Variants in NRG2 observed in about 807,000 individuals in gnomAD.
NRG2 encodes the protein pro-neuregulin-2, membrane-bound isoform.
In NRG2, 27 loss-of-function variants were observed where a neutral mutation model predicts 73.9. That is an observed-to-expected ratio of 0.37 (90% CI 0.27 to 0.50). The LOEUF (loss-of-function observed/expected upper bound fraction) is 0.50. Ranked by LOEUF, NRG2 falls within the 20% of genes least tolerant of loss-of-function variation. NRG2 has a pLI of 0.96. For synonymous variants in NRG2, 532 were observed against 541.0 expected, an observed-to-expected ratio of 0.98 and a Z score of 0.23; for missense variants, 1,126 against 1,210.1, an observed-to-expected ratio of 0.93 and a Z score of 1.03.
intron 1 of NRG2, among the ~76,000 whole-genome samples, chr5:140,014,972 G>A (rs1039481759): frequency 6.6e-6 from 1 of 152,098 alleles, no homozygotes; most frequent in Admixed American, 6.5e-5. Flanking sequence ...AACATGCCAG[G>A]CATGCTTCCA....
chr5:139,901,943 G>C (rs928569444), intron 1 of NRG2, among the ~76,000 whole-genome samples: 1 of 152,206 alleles, frequency 6.6e-6, no homozygotes, highest in Non-Finnish European at 1.5e-5. Context: ...TCTCCTCTAG[G>C]GGTTCTCAGA....
chr5:140,026,021 G>A (rs1217548230), intron 1 of NRG2, among the ~76,000 whole-genome samples: 3 of 152,200 alleles, frequency 2.0e-5, no homozygotes, highest in Non-Finnish European at 4.4e-5. Context: ...TTGAGGAGAA[G>A]TGGAATCTCA....
intron 1 of NRG2, among the ~76,000 whole-genome samples, chr5:140,003,410 A>G (rs927390344): frequency 6.6e-6 from 1 of 152,232 alleles, no homozygotes; most frequent in African/African-American, 2.4e-5. Flanking sequence ...TGTAATCACA[A>G]GTTTCCTTGT....
At chr5:139,983,006 G>C (rs886440293) in intron 1 of NRG2, among the ~76,000 whole-genome samples, 6 of 152,202 alleles carry the variant, frequency 3.9e-5, no homozygotes, top group African/African-American at 1.4e-4. Context: ...ATGTCTGGGG[G>C]ATTAACCTCT....
chr5:139,870,896 T>G lies in NRG2; in HGVS notation c.1112+825A>C, dbSNP rs1448768928. On this transcript the variant is annotated intron_variant, in intron 4 of 9. Coordinates refer to ENST00000361474, the MANE Select transcript of NRG2 (RefSeq NM_004883.3). The surrounding 1 kb of genome is among the most constrained non-coding windows in gnomAD (Gnocchi z 4.4). ...CAGCCTCTCTCCCACCTGCCTTGTT[T>G]GCTATGGGGAGTGGGTGGTTCTGAG... 1 of 152,300 alleles carries G rather than the reference T, an allele frequency of 6.6e-6. No individual in the cohort carries two copies. The allele number at this position is 152,300 out of a possible 1,614,324, so 9.4% of individuals were successfully genotyped here.
chr5:139,953,496 C>T (rs753211320), intron 1 of NRG2, among the ~76,000 whole-genome samples: 3 of 152,146 alleles, frequency 2.0e-5, no homozygotes, highest in African/African-American at 4.8e-5. Context: ...CCCTTCCCAC[C>T]GCTCTCATCC....
intron 1 of NRG2, among the ~76,000 whole-genome samples, chr5:139,968,731 G>A (rs1320389419): frequency 6.6e-6 from 1 of 152,198 alleles, no homozygotes; most frequent in Non-Finnish European, 1.5e-5. Context: ...GCATATTATT[G>A]GACAGGCTGC....
At chr5:139,938,844 A>G (rs1226995528) in intron 1 of NRG2, among the ~76,000 whole-genome samples, 1 of 104,804 alleles carries the variant, frequency 9.5e-6, no homozygotes, top group African/African-American at 3.7e-5. Flanking sequence ...TCATATACAG[A>G]AAGGGAAGAG....
At chr5:139,874,422 A>T (rs898093568) in intron 3 of NRG2, among the ~76,000 whole-genome samples, 1 of 152,078 alleles carries the variant, frequency 6.6e-6, no homozygotes, top group Non-Finnish European at 1.5e-5. Flanking sequence ...GCACAAACCA[A>T]AGTCCTAGAG....
chr5:139,947,727 T>G (rs1431095893), intron 1 of NRG2, among the ~76,000 whole-genome samples: 1 of 152,212 alleles, frequency 6.6e-6, no homozygotes, highest in Non-Finnish European at 1.5e-5. Flanking sequence ...TTATGCATCT[T>G]TTTTAGTCTG....
intron 1 of NRG2, among the ~76,000 whole-genome samples, chr5:139,989,308 G>A (rs1757398803): frequency 6.6e-6 from 1 of 151,906 alleles, no homozygotes; most frequent in Non-Finnish European, 1.5e-5. Flanking sequence ...TGGTCATCCT[G>A]CTCCAGCTTC....
intron 1 of NRG2, among the ~76,000 whole-genome samples, chr5:139,998,504 C>T (rs1364874717): frequency 6.6e-6 from 1 of 152,130 alleles, no homozygotes; most frequent in South Asian, 2.1e-4. Flanking sequence ...CAAACTGGGA[C>T]CCAATCTAGC....
Position 139,865,315 on chromosome 5 carries a change from T to G in NRG2, c.1189+234A>C, listed in dbSNP as rs577570379. 82 of 782,446 alleles carry G rather than the reference T, an allele frequency of 1.0e-4. No homozygotes were observed. Among genetic ancestry groups the G allele is most frequent in the Non-Finnish European group, 1.8e-4 (80 of 447,690 alleles). The allele number at this position is 782,446 out of a possible 1,614,324, so 48.5% of individuals were successfully genotyped here. Reference sequence around the variant, plus strand: ...TGTATTGGCCTTGCCACTCTGCCCCTTACCTGCAGCCCTGAACTTTAAACC... The same window carrying G: ...TGTATTGGCCTTGCCACTCTGCCCCGTACCTGCAGCCCTGAACTTTAAACC... On this transcript the variant is annotated intron_variant, in intron 5 of 9. Coordinates refer to ENST00000361474, the MANE Select transcript of NRG2 (RefSeq NM_004883.3). This position sits in a 1 kb window ranked among gnomAD's most constrained non-coding sequence, Gnocchi z 5.2.
intron 1 of NRG2, among the ~76,000 whole-genome samples, chr5:139,911,414 G>A (rs1413380752): frequency 6.6e-6 from 1 of 152,190 alleles, no homozygotes; most frequent in African/African-American, 2.4e-5. Context: ...AGAGGAAGAA[G>A]AGATGTTACT....
Position 139,938,957 on chromosome 5 carries a change from G to A in NRG2, c.701-51446C>T, listed in dbSNP as rs58278351. 1.3e-3 allele frequency among the ~76,000 whole-genome samples: 140 copies of A among 107,444 alleles called. 1 individual carries two copies. The highest frequency in any genetic ancestry group is 4.7e-3 in the African/African-American group (131 of 27,922). 70.5% of individuals were successfully genotyped at this position (107,444 alleles called of 152,430 possible). On this transcript the variant is annotated intron_variant, in intron 1 of 9. Transcript: ENST00000361474. ...AGAAAGAAAGAAAGAAAGAAAGAAA[G>A]AAAAAAGAAGGAAGGAAGGGAAGGA... is the stretch of plus-strand genomic sequence containing the variant.
rs1751163004 is a variant in NRG2, at chr5:139,915,265, G to A, written c.701-27754C>T. The stretch of plus-strand genomic sequence containing the variant: ...GCTTATTACCAAATAGGCTGTAAAT[G>A]GCTTTCCAGCCTTCTCTTTTCCTAC... On this transcript the variant is annotated intron_variant, in intron 1 of 9. Coordinates refer to ENST00000361474, the MANE Select transcript of NRG2 (RefSeq NM_004883.3). The surrounding 1 kb of genome is among the most constrained non-coding windows in gnomAD (Gnocchi z 4.0). Among the ~76,000 whole-genome samples the A allele has an allele frequency of 6.6e-6, 1 of 152,168 alleles. No individual in the cohort carries two copies. Among genetic ancestry groups the A allele is most frequent in the South Asian group, 2.1e-4 (1 of 4,820 alleles).
intron 3 of NRG2, among the ~76,000 whole-genome samples, chr5:139,872,103 T>TG (rs1454320093): frequency 6.6e-5 from 10 of 152,154 alleles, no homozygotes; most frequent in African/African-American, 2.4e-4. Flanking sequence ...CATTCTTTTG[T>TG]GGGGGGAGCA....
At chr5:139,911,032 G>A (rs1020499707) in intron 1 of NRG2, among the ~76,000 whole-genome samples, 9 of 151,982 alleles carry the variant, frequency 5.9e-5, no homozygotes, top group Admixed American at 2.6e-4. Flanking sequence ...GCCGGGAGAA[G>A]AAAGCCAAGC....
intron 5 of NRG2, among the ~76,000 whole-genome samples, chr5:139,857,229 A>T (rs755133012): frequency 1.3e-5 from 2 of 152,224 alleles, no homozygotes; most frequent in African/African-American, 2.4e-5. Flanking sequence ...GGGAAGATAG[A>T]CGGGCCTGGG....
Sources: allele counts gnomAD v4.1 joint callset (sites outside exome capture counted in the v4.1 genomes callset), GRCh38; gene constraint gnomAD v4.1.1; non-coding constraint Gnocchi (gnomAD v3.1); transcripts MANE v1.5; gene names NCBI Gene and HGNC (gene_info 2026-07-23, HGNC 2026-07-21).